Variants in SLC25A13 observed in about 807,000 individuals in gnomAD.
The protein encoded by SLC25A13 is electrogenic aspartate/glutamate antiporter SLC25A13, mitochondrial.
Under a neutral mutation model 85.5 loss-of-function variants are expected in SLC25A13, and 70 were observed. The observed-to-expected ratio is 0.82, with a 90% CI of 0.68 to 1.00. The LOEUF (loss-of-function observed/expected upper bound fraction) is 1.00. Ranked by LOEUF, SLC25A13 falls within the 50% of genes least tolerant of loss-of-function variation. The pLI is 0.00. For synonymous variants in SLC25A13, 259 were observed against 288.7 expected, an observed-to-expected ratio of 0.90 and a Z score of 1.04; for missense variants, 765 against 819.8, an observed-to-expected ratio of 0.93 and a Z score of 0.82.
intron 3 of SLC25A13, among the ~76,000 whole-genome samples, chr7:96,258,019 C>G (rs1009241144): frequency 6.6e-5 from 10 of 152,092 alleles, no homozygotes; most frequent in East Asian, 1.9e-4. Context: ...ATTCAACATC[C>G]CTTCATGGTA....
intron 5 of SLC25A13, among the ~76,000 whole-genome samples, chr7:96,194,760 G>A (rs1443954799): frequency 6.6e-6 from 1 of 152,174 alleles, no homozygotes; most frequent in East Asian, 1.9e-4. Context: ...GCAGTTGCAT[G>A]ATGGGTCATT....
intron 9 of SLC25A13, among the ~76,000 whole-genome samples, chr7:96,188,987 A>G (rs994844540): frequency 6.6e-6 from 1 of 152,212 alleles, no homozygotes; most frequent in Non-Finnish European, 1.5e-5. Flanking sequence ...CTTTCGCTAC[A>G]TCTCTCAACA....
At position 96,322,030 on chromosome 7, in the gene SLC25A13, T is replaced by A; in HGVS notation, c.-74A>T. The A allele has an allele frequency of 6.6e-7, 1 of 1,520,268 alleles. No homozygotes were observed. Among genetic ancestry groups the A allele is most frequent in the Non-Finnish European group, 8.8e-7 (1 of 1,133,074 alleles). 94.2% of individuals were successfully genotyped at this position (1,520,268 alleles called of 1,614,324 possible). ...GGCGTTTGGGACCCGGGCGGCTCACTTCTAGTCCCGGCGGCGGCGGCGGTG... is the reference window on the plus strand; with the variant it reads ...GGCGTTTGGGACCCGGGCGGCTCACATCTAGTCCCGGCGGCGGCGGCGGTG... On this transcript the variant is annotated 5_prime_UTR_variant, in exon 1 of 18. In the 5' UTR this introduces an upstream ATG that the reference lacks. Coordinates refer to ENST00000265631, the MANE Select transcript of SLC25A13 (RefSeq NM_014251.3).
chr7:96,276,335 C>T (rs1213018907), intron 3 of SLC25A13, among the ~76,000 whole-genome samples: 3 of 152,094 alleles, frequency 2.0e-5, no homozygotes, highest in Non-Finnish European at 4.4e-5. Context: ...AAAATGTAAG[C>T]AGAAGGCCAG....
In SLC25A13 at chr7:96,121,364, A is replaced by T. The variant is rs1791496305; in HGVS notation, c.1855T>A (p.Ser619Thr). 6.2e-7 allele frequency: 1 copy of T among 1,614,084 alleles called. No homozygotes were observed. Among genetic ancestry groups the T allele is most frequent in the African/African-American group, 1.3e-5 (1 of 74,938 alleles). Residue 619 changes from serine to threonine, a missense_variant, in exon 18 of 18, where the codon TCA (serine) becomes ACA (threonine). By Grantham distance (58) the Ser-to-Thr change is moderately conservative (BLOSUM62 1). Transcript: ENST00000265631. ...ATCCTGGATTTAGGAACTGGCTCTGATCCCATGGGTTTTCTAAAAGAAGAG... is the reference window on the plus strand; with the variant it reads ...ATCCTGGATTTAGGAACTGGCTCTGTTCCCATGGGTTTTCTAAAAGAAGAG... ...IDFGGVKPMG[S>T]EPVPKSRINL...
At chr7:96,251,023 A>G (rs921440815) in intron 3 of SLC25A13, among the ~76,000 whole-genome samples, 2 of 152,174 alleles carry the variant, frequency 1.3e-5, no homozygotes, top group Non-Finnish European at 2.9e-5. Flanking sequence ...TGGAGCTTAC[A>G]GTCAAGTGTG....
At chr7:96,144,467 C>T (rs184133436) in intron 14 of SLC25A13, among the ~76,000 whole-genome samples, 2 of 152,244 alleles carry the variant, frequency 1.3e-5, no homozygotes, top group Non-Finnish European at 2.9e-5. Flanking sequence ...TACCAGTACA[C>T]CAAAAACAGC....
At chr7:96,299,755 T>C (rs972448939) in intron 1 of SLC25A13, among the ~76,000 whole-genome samples, 10 of 152,210 alleles carry the variant, frequency 6.6e-5, no homozygotes, top group African/African-American at 1.7e-4. Flanking sequence ...GAACATCATA[T>C]AGTGTACTTA....
rs573135881 is a variant in SLC25A13, at chr7:96,160,626, C to T, written c.1311+9419G>A. 7.9e-4 allele frequency among the ~76,000 whole-genome samples: 120 copies of T among 152,260 alleles called. 3 individuals are homozygous for T. In the South Asian group the frequency reaches 0.024, roughly 30 times the overall value. ...ATCCCTTTTATAAGGGCACTAATCT[C>T]AAACTGTAGGCTCCACCCTCATGAC... On this transcript the variant is annotated intron_variant, in intron 13 of 17. Coordinates refer to ENST00000265631, the MANE Select transcript of SLC25A13 (RefSeq NM_014251.3).
At chr7:96,137,865 T>C (rs979682373) in intron 14 of SLC25A13, among the ~76,000 whole-genome samples, 1 of 152,256 alleles carries the variant, frequency 6.6e-6, no homozygotes, top group African/African-American at 2.4e-5. Flanking sequence ...CCTTGTGATC[T>C]GCCCGCCTCA....
At chr7:96,251,889 G>T (rs1797442240) in intron 3 of SLC25A13, among the ~76,000 whole-genome samples, 1 of 152,146 alleles carries the variant, frequency 6.6e-6, no homozygotes, top group Non-Finnish European at 1.5e-5. Flanking sequence ...CTGAATGTGG[G>T]CTGTGTGTTG....
intron 3 of SLC25A13, among the ~76,000 whole-genome samples, chr7:96,273,261 T>G (rs544334425): frequency 1.3e-5 from 2 of 152,194 alleles, no homozygotes; most frequent in African/African-American, 4.8e-5. Flanking sequence ...ATAATATTTC[T>G]GTTCTGTTTT....
intron 1 of SLC25A13, among the ~76,000 whole-genome samples, chr7:96,298,536 C>T (rs1384310524): frequency 3.3e-5 from 5 of 151,972 alleles, no homozygotes; most frequent in African/African-American, 9.7e-5. Flanking sequence ...CAGGTTCAAA[C>T]GATTCTCCTG....
intron 4 of SLC25A13, among the ~76,000 whole-genome samples, chr7:96,209,222 A>C (rs1236869169): frequency 6.6e-6 from 1 of 152,054 alleles, no homozygotes; most frequent in Admixed American, 6.6e-5. Context: ...ACACACACAC[A>C]ACCTAAAGGC....
chr7:96,307,970 G>A (rs148218872), intron 1 of SLC25A13, among the ~76,000 whole-genome samples: 1,709 of 152,068 alleles, frequency 0.011, 31 homozygotes, highest in African/African-American at 0.039. Flanking sequence ...TGACCACCAC[G>A]GAGAAACTCA....
At chr7:96,265,122 G>A (rs1311754591) in intron 3 of SLC25A13, among the ~76,000 whole-genome samples, 4 of 152,102 alleles carry the variant, frequency 2.6e-5, no homozygotes. Flanking sequence ...AAGACTAGTG[G>A]CAATGTGCAA....
chr7:96,240,535 T>C (rs887299327), intron 3 of SLC25A13, among the ~76,000 whole-genome samples: 9 of 151,884 alleles, frequency 5.9e-5, no homozygotes, highest in Non-Finnish European at 1.2e-4. Context: ...AGACCAGAGA[T>C]GAAGAATCAC....
intron 5 of SLC25A13, among the ~76,000 whole-genome samples, chr7:96,193,965 G>C (rs1044535566): frequency 6.6e-6 from 1 of 152,172 alleles, no homozygotes; most frequent in African/African-American, 2.4e-5. Flanking sequence ...GAGCTCTGTT[G>C]CTATTCCCAG....
At chr7:96,148,696 G>C (rs1169695898) in intron 13 of SLC25A13, among the ~76,000 whole-genome samples, 2 of 152,160 alleles carry the variant, frequency 1.3e-5, no homozygotes, top group Non-Finnish European at 2.9e-5. Flanking sequence ...TCAAAAGAGG[G>C]TAAGACCATC....
Sources: allele counts gnomAD v4.1 joint callset (sites outside exome capture counted in the v4.1 genomes callset), GRCh38; gene constraint gnomAD v4.1.1; transcripts MANE v1.5; gene names NCBI Gene and HGNC (gene_info 2026-07-23, HGNC 2026-07-21).